OPCML: variants seen among roughly 807,000 people sequenced by gnomAD.
OPCML encodes the protein opioid binding protein/cell adhesion molecule like, also known as opioid-binding protein/cell adhesion molecule.
Under a neutral mutation model 37.8 loss-of-function variants are expected in OPCML, and 13 were observed. The ratio of observed to expected loss-of-function variants is 0.34; its 90% CI spans 0.22 to 0.55. The LOEUF (loss-of-function observed/expected upper bound fraction) is 0.55. OPCML is among the 20% of genes least tolerant of loss of function. The pLI, the probability that OPCML is intolerant of heterozygous loss-of-function variation, is 0.91. For missense variants in OPCML, 341 were observed against 435.6 expected (o/e 0.78, Z 1.93); for synonymous variants, 176 against 168.8 (o/e 1.04, Z -0.33).
intron 1 of OPCML, among the ~76,000 whole-genome samples, chr11:133,103,734 C>T (rs922906410): frequency 1.3e-5 from 2 of 152,230 alleles, no homozygotes; most frequent in African/African-American, 4.8e-5. Flanking sequence ...TTCCTAGCAG[C>T]CAGAGTTCTG....
chr11:132,769,495 C>T (rs1946567838), intron 2 of OPCML, among the ~76,000 whole-genome samples: 1 of 152,206 alleles, frequency 6.6e-6, no homozygotes, highest in Non-Finnish European at 1.5e-5. Flanking sequence ...CAACACCAGG[C>T]TGCTGAACCC....
chr11:132,619,851 CAAA>C (rs34927802), intron 3 of OPCML, among the ~76,000 whole-genome samples: 1 of 112,884 alleles, frequency 8.9e-6, no homozygotes. Flanking sequence ...GACTCCATGT[CAAA>C]AAAAAAAAAA....
intron 2 of OPCML, among the ~76,000 whole-genome samples, chr11:132,834,989 A>T (rs1233826418): frequency 6.1e-5 from 1 of 16,376 alleles, no homozygotes; most frequent in Non-Finnish European, 1.2e-4. Flanking sequence ...GGCACTTTGT[A>T]AAAAAAAAAA....
At chr11:132,521,436 T>G (rs76943254) in intron 4 of OPCML, among the ~76,000 whole-genome samples, 3,187 of 152,222 alleles carry the variant, frequency 0.021, 129 homozygotes, top group South Asian at 0.16. Context: ...GGTGTTTTAG[T>G]ACACCACAGA....
chr11:132,997,935 C>A (rs917970784), intron 1 of OPCML, among the ~76,000 whole-genome samples: 15 of 152,160 alleles, frequency 9.9e-5, no homozygotes, highest in Non-Finnish European at 1.8e-4. Context: ...TTGGTTTTAG[C>A]CCTCACAGGA....
At chr11:133,336,775 C>T (rs1481775757) in intron 1 of OPCML, among the ~76,000 whole-genome samples, 1 of 152,114 alleles carries the variant, frequency 6.6e-6, no homozygotes, top group African/African-American at 2.4e-5. Context: ...TTCCTTACAC[C>T]CCCATTTGTT....
intron 1 of OPCML, chr11:133,422,066 C>T (rs1233547275): frequency 3.1e-5 from 27 of 865,580 alleles, no homozygotes; most frequent in Non-Finnish European, 3.7e-5. Context: ...TTGCTGCACC[C>T]ATCCACCCGT....
intron 1 of OPCML, among the ~76,000 whole-genome samples, chr11:133,260,422 AG>A (rs1941454431): frequency 1.3e-5 from 2 of 152,164 alleles, no homozygotes; most frequent in Non-Finnish European, 2.9e-5. Context: ...AAATCCAGGC[AG>A]GGTGGCTTGG....
chr11:133,042,491 G>A (rs1947922199), intron 1 of OPCML, among the ~76,000 whole-genome samples: 1 of 152,166 alleles, frequency 6.6e-6, no homozygotes, highest in African/African-American at 2.4e-5. Flanking sequence ...GTGCAGTAGG[G>A]AATGTAAGTG....
chr11:132,777,133 A>C (rs1382263589), intron 2 of OPCML, among the ~76,000 whole-genome samples: 2 of 152,128 alleles, frequency 1.3e-5, no homozygotes, highest in Non-Finnish European at 1.5e-5. Context: ...ACTTTGTGGT[A>C]CTCTCTAAGA....
At chr11:133,127,648 T>C (rs913526971) in intron 1 of OPCML, among the ~76,000 whole-genome samples, 3 of 149,842 alleles carry the variant, frequency 2.0e-5, no homozygotes, top group African/African-American at 7.4e-5. Flanking sequence ...AAAAAAAAAG[T>C]CATTTATCTA....
chr11:133,091,737 C>T (rs550202778), intron 1 of OPCML, among the ~76,000 whole-genome samples: 34 of 152,178 alleles, frequency 2.2e-4, no homozygotes, highest in Non-Finnish European at 3.8e-4. Context: ...TTTCATTTCA[C>T]AGGCTGACAG....
intron 2 of OPCML, among the ~76,000 whole-genome samples, chr11:132,844,312 A>G (rs1277714205): frequency 6.6e-6 from 1 of 152,160 alleles, no homozygotes; most frequent in Non-Finnish European, 1.5e-5. Flanking sequence ...AAACAAATGA[A>G]CCCATATTTG....
Position 133,386,735 on chromosome 11 carries a change from G to A in OPCML, c.61+145529C>T, listed in dbSNP as rs1352767899. On this transcript the variant is annotated intron_variant, in intron 1 of 7. Transcript: ENST00000524381. ...CATCTAAATAATGACCTGTTAGTACGCACCCCACCTTTCCTTTTTGTCTTT... is the reference window on the plus strand; with the variant it reads ...CATCTAAATAATGACCTGTTAGTACACACCCCACCTTTCCTTTTTGTCTTT... 1.2e-4 allele frequency among the ~76,000 whole-genome samples: 18 copies of A among 152,140 alleles called. 1 individual carries two copies. Among genetic ancestry groups the A allele is most frequent in the Admixed American group, 1.0e-3 (16 of 15,278 alleles).
At chr11:132,640,370 G>C (rs1032830245) in intron 3 of OPCML, among the ~76,000 whole-genome samples, 1 of 152,164 alleles carries the variant, frequency 6.6e-6, no homozygotes, top group African/African-American at 2.4e-5. Flanking sequence ...TTTACTTAGA[G>C]CCAAGGGAGA....
At chr11:132,436,282 C>G (rs2096012759) in intron 6 of OPCML, 45 bp from the exon 7 acceptor site, 2 of 1,613,274 alleles carry the variant, frequency 1.2e-6, no homozygotes, top group African/African-American at 1.3e-5. Context: ...TACAAAGAGG[C>G]CCTCCTCCTC....
At chr11:132,534,812 C>T (rs1379244211) in intron 3 of OPCML, among the ~76,000 whole-genome samples, 1 of 152,044 alleles carries the variant, frequency 6.6e-6, no homozygotes, top group Non-Finnish European at 1.5e-5. Flanking sequence ...GAGCACAGTG[C>T]CTGGAAATAA....
At chr11:133,143,642 T>G (rs758338964) in intron 1 of OPCML, among the ~76,000 whole-genome samples, 3 of 152,206 alleles carry the variant, frequency 2.0e-5, no homozygotes, top group Non-Finnish European at 2.9e-5. Flanking sequence ...TCATCTCAGC[T>G]GGACCTCAGA....
chr11:133,172,232 A>G (rs1248757249), intron 1 of OPCML, among the ~76,000 whole-genome samples: 3 of 152,208 alleles, frequency 2.0e-5, no homozygotes, highest in Non-Finnish European at 2.9e-5. Context: ...GGTGATGAAC[A>G]TGACAGTTAC....
Sources: gnomAD v4.1 joint callset for allele counts (sites outside exome capture counted in the v4.1 genomes callset) on GRCh38, gnomAD v4.1.1 for gene constraint, MANE v1.5 for transcripts, NCBI Gene and HGNC (gene_info 2026-07-23, HGNC 2026-07-21) for gene names.